The following WASHC5 variants were observed in gnomAD, a reference collection of about 807,000 sequenced individuals.
WASHC5 encodes the protein WASH complex subunit strumpellin.
Under a neutral mutation model 150.4 loss-of-function variants are expected in WASHC5, and 101 were observed. The ratio of observed to expected loss-of-function variants is 0.67; its 90% CI spans 0.57 to 0.79. WASHC5 has a LOEUF of 0.79. Ranked by LOEUF, WASHC5 falls within the 30% of genes least tolerant of loss-of-function variation. The pLI is 0.00. For missense variants in WASHC5, 1,195 were observed against 1,396.3 expected, an observed-to-expected ratio of 0.86 and a Z score of 2.30; for synonymous variants, 467 against 491.2, an observed-to-expected ratio of 0.95 and a Z score of 0.65.
At chr8:125,087,202 C>T (rs1817445421) in intron 1 of WASHC5, among the ~76,000 whole-genome samples, 2 of 152,204 alleles carry the variant, frequency 1.3e-5, no homozygotes. Context: ...TTCTATAATG[C>T]TGTGCAATAT....
intron 23 of WASHC5, among the ~76,000 whole-genome samples, chr8:125,042,667 G>C (rs565702356): frequency 5.3e-5 from 8 of 152,226 alleles, no homozygotes; most frequent in Middle Eastern, 3.4e-3. Context: ...CTACAGAGTT[G>C]GGACTCACAC....
chr8:125,079,141 CA>C lies in WASHC5; in HGVS notation c.519-212del, dbSNP rs546402860. ...GTATATATATATATATATATATATA[CA>C]TTTTTTTTTGAGATGGAGTCTCGCT... On this transcript the variant is annotated intron_variant, in intron 5 of 28. Coordinates refer to ENST00000318410, the MANE Select transcript of WASHC5 (RefSeq NM_014846.4). Among the ~76,000 whole-genome samples the C allele has an allele frequency of 0.12, 5,886 of 50,872 alleles. 564 individuals carry two copies. Among genetic ancestry groups the C allele is most frequent in the African/African-American group, 0.3 (4,729 of 15,970 alleles). 33.4% of individuals were successfully genotyped at this position (50,872 alleles called of 152,430 possible).
intron 17 of WASHC5, among the ~76,000 whole-genome samples, chr8:125,051,338 C>T (rs1308630479): frequency 6.6e-6 from 1 of 152,172 alleles, no homozygotes; most frequent in Non-Finnish European, 1.5e-5. Flanking sequence ...CCCTTGAATT[C>T]TCTGAGACTT....
Position 125,043,837 on chromosome 8 carries a change from C to T in WASHC5, c.2838G>A (p.Glu946=). 1 of 1,609,426 alleles carries T rather than the reference C, an allele frequency of 6.2e-7. No individual in the cohort carries two copies. The highest frequency in any genetic ancestry group is 8.5e-7 in the Non-Finnish European group (1 of 1,175,860). The part of the protein sequence containing the change: ...KTQKIWTAYL[E]AIMKVGQMQI... ...TTCTACAACATACCTTCATTATAGC[C>T]TCGAGATACGCAGTCCAAATCTTCT... The change falls in exon 23 of 29, where the codon GAG becomes GAA. Residue 946 remains glutamate, a synonymous_variant. Transcript: ENST00000318410.
Position 125,083,786 on chromosome 8 carries a change from G to A in WASHC5, c.113C>T (p.Ala38Val). 1 of 1,613,674 alleles carries A rather than the reference G, an allele frequency of 6.2e-7. No homozygotes were observed. Among genetic ancestry groups the A allele is most frequent in the Non-Finnish European group, 8.5e-7 (1 of 1,179,640 alleles). The change falls in exon 2 of 29, where the codon GCT becomes GTT. Residue 38 changes from alanine (A) to valine (V), a missense_variant. Transcript: ENST00000318410. The part of the protein sequence containing the change: ...ELLRLSEFIP[A>V]VFRLKDRADQ... ...AGCTCTGTCTTTTAACCTGAACACA[G>A]CAGGAATAAACTCAGAGAGTCTCAA...
At chr8:125,079,027 TA>T in intron 5 of WASHC5, 97 bp from the exon 6 acceptor site, 1 of 1,015,812 alleles carries the variant, frequency 9.8e-7, no homozygotes, top group Non-Finnish European at 1.5e-6. Flanking sequence ...TTTGACTCAA[TA>T]TAGTTTCAGA....
At chr8:125,045,279 T>C (rs1816029092) in intron 20 of WASHC5, among the ~76,000 whole-genome samples, 1 of 152,184 alleles carries the variant, frequency 6.6e-6, no homozygotes, top group African/African-American at 2.4e-5. Context: ...ACCAACCATA[T>C]TTACTGGGCA....
chr8:125,063,788 A>AT, intron 10 of WASHC5, 137 bp from the exon 11 acceptor site: 1 of 762,100 alleles, frequency 1.3e-6, no homozygotes, highest in South Asian at 1.6e-5. Context: ...CCCTGATGTC[A>AT]TCTCCTCAGG....
rs372295027 is a variant in WASHC5, at chr8:125,073,213, T to A, written c.1090A>T (p.Asn364Tyr). The A allele has an allele frequency of 1.2e-5, 20 of 1,614,070 alleles. No homozygotes were observed. Among genetic ancestry groups the A allele is most frequent in the Non-Finnish European group, 1.7e-5 (20 of 1,180,026 alleles). Reference protein sequence around the residue: ...MVLDNIPKLLNCLRDCNVAIR... With the variant: ...MVLDNIPKLLYCLRDCNVAIR... ...GCAACATTGCAGTCTCTCAGGCAGT[T>A]CAGAAGCTTTGGGATATTGTCCAGA... Residue 364 changes from asparagine to tyrosine, a missense_variant, in exon 9 of 29, where the codon AAC becomes TAC. Physicochemically the swap from Asn to Tyr is moderately radical, Grantham distance 143. Around this residue, in one of 3 missense-constraint regions of WASHC5, gnomAD observed 997 missense variants for 1,168.1 expected, o/e 0.85. Transcript: ENST00000318410.
chr8:125,043,539 T>C (rs1290877933), intron 23 of WASHC5, among the ~76,000 whole-genome samples: 3 of 152,156 alleles, frequency 2.0e-5, no homozygotes, highest in African/African-American at 7.2e-5. Context: ...CAAGGAAAAG[T>C]TCAATTTTCA....
chr8:125,073,274 T>C lies in WASHC5; in HGVS notation c.1029A>G (p.Gln343=), dbSNP rs140523354. 1.4e-4 allele frequency: 221 copies of C among 1,614,068 alleles called. No individual in the cohort carries two copies. The African/African-American group carries it at 2.5e-3, about 18-fold the overall frequency. Residue 343 remains glutamine (Q), a synonymous_variant, in exon 9 of 29, where the codon CAA becomes CAG. Coordinates refer to ENST00000318410, the MANE Select transcript of WASHC5 (RefSeq NM_014846.4). ...CCCTTAAATAACCTTCTTTTAGAAA[T>C]TGCTGCACTTGAGCATGCACTCTTT... ...VSERVHAQVQ[Q]FLKEGYLREE... is the part of the protein sequence containing the mutation.
intron 20 of WASHC5, among the ~76,000 whole-genome samples, chr8:125,046,917 A>G (rs1009620306): frequency 1.3e-5 from 2 of 152,174 alleles, no homozygotes; most frequent in Non-Finnish European, 2.9e-5. Context: ...GCACGCTCCT[A>G]TGAGAATCTA....
chr8:125,049,000 A>T lies in WASHC5; in HGVS notation c.2379+6T>A, dbSNP rs1816156927. Reference sequence around the variant, plus strand: ...ATAGTCAAGAATTTTAAAATTTATTAGATACCTTCGTTCTTAGAAAGTTAT... The same window carrying T: ...ATAGTCAAGAATTTTAAAATTTATTTGATACCTTCGTTCTTAGAAAGTTAT... On this transcript the variant is annotated splice_donor_region_variant and intron_variant, in intron 19 of 28. Transcript: ENST00000318410. 1.2e-6 allele frequency: 2 copies of T among 1,602,034 alleles called. No homozygotes were observed. Among genetic ancestry groups the T allele is most frequent in the South Asian group, 2.2e-5 (2 of 89,764 alleles).
chr8:125,041,108 C>T (rs1026076044), intron 23 of WASHC5, among the ~76,000 whole-genome samples: 6 of 152,170 alleles, frequency 3.9e-5, no homozygotes, highest in African/African-American at 9.7e-5. Context: ...TGATAGGAAG[C>T]GATCTTTGGG....
At chr8:125,046,635 G>T (rs1816076348) in intron 20 of WASHC5, among the ~76,000 whole-genome samples, 2 of 152,204 alleles carry the variant, frequency 1.3e-5, no homozygotes, top group Non-Finnish European at 2.9e-5. Flanking sequence ...ATGGGAATAA[G>T]AATAATGCCT....
chr8:125,071,629 T>C (rs1816897783), intron 9 of WASHC5, among the ~76,000 whole-genome samples: 1 of 152,220 alleles, frequency 6.6e-6, no homozygotes, highest in Admixed American at 6.5e-5. Flanking sequence ...TCTGCTCCCC[T>C]ATCCCAAGCA....
intron 8 of WASHC5, among the ~76,000 whole-genome samples, chr8:125,074,636 T>G (rs910912287): frequency 1.1e-4 from 17 of 152,334 alleles, no homozygotes; most frequent in African/African-American, 4.1e-4. Context: ...AGTTATCATC[T>G]TCATCATTCA....
At position 125,039,839 on chromosome 8, in the gene WASHC5, C is replaced by T; in HGVS notation, c.2910G>A (p.Arg970=). Residue 970 remains arginine, a synonymous_variant, in exon 24 of 29, where the codon CGG becomes CGA. Transcript: ENST00000318410. ...CAGCTGCCAGATGTTTAGAATCAAA[C>T]CGACAAGAATAATTTAATTCATTGG... ...QIANELNYSC[R]FDSKHLAAAL... is the part of the protein sequence containing the mutation. 1 of 1,613,986 alleles carries T rather than the reference C, an allele frequency of 6.2e-7. No individual in the cohort carries two copies. Among genetic ancestry groups the T allele is most frequent in the Non-Finnish European group, 8.5e-7 (1 of 1,179,928 alleles).
At chr8:125,047,959 A>G (rs9693702) in intron 19 of WASHC5, among the ~76,000 whole-genome samples, 21,218 of 152,016 alleles carry the variant, frequency 0.14, 3,731 homozygotes, top group African/African-American at 0.41. Context: ...CAATCCTCCC[A>G]CCTGAGCCTC....
Sources: allele counts gnomAD v4.1 joint callset (sites outside exome capture counted in the v4.1 genomes callset), GRCh38; gene constraint gnomAD v4.1.1; regional missense constraint gnomAD v4.1.1; transcripts MANE v1.5; gene names NCBI Gene and HGNC (gene_info 2026-07-23, HGNC 2026-07-21).